The following PUS7 variants were observed in gnomAD, a reference collection of about 807,000 sequenced individuals.
PUS7 encodes the protein pseudouridylate synthase 7 homolog.
PUS7 carries 48 observed loss-of-function variants against 79.8 expected under a neutral mutation model. That is an observed-to-expected ratio of 0.60 (90% confidence interval 0.48 to 0.76). PUS7 has a LOEUF of 0.76. Among genes scored for constraint, PUS7 ranks in the 30% least tolerant of loss-of-function variants. The pLI is 0.00. For synonymous variants in PUS7, 286 were observed against 272.2 expected, an observed-to-expected ratio of 1.05 and a Z score of -0.50; for missense variants, 729 against 797.6, an observed-to-expected ratio of 0.91 and a Z score of 1.04.
Position 105,508,513 on chromosome 7 carries a change from C to G in PUS7, c.-1G>C. 1 of 1,607,164 alleles carries G rather than the reference C, an allele frequency of 6.2e-7. No homozygotes were observed. The highest frequency in any genetic ancestry group is 8.5e-7 in the Non-Finnish European group (1 of 1,176,814). ...CACCAGTCATTTCTGTCATCTCCAT[C>G]TTTAAGGCTCCAAGAAAACATTTAA... On this transcript the variant is annotated 5_prime_UTR_variant, in exon 2 of 16. Coordinates refer to ENST00000469408, the MANE Select transcript of PUS7 (RefSeq NM_019042.5).
In PUS7 at chr7:105,508,300, T is replaced by G. The variant is rs781605797; in HGVS notation, c.213A>C (p.Gly71=). 2.5e-6 allele frequency: 4 copies of G among 1,614,150 alleles called. No homozygotes were observed. The highest frequency in any genetic ancestry group is 2.5e-6 in the Non-Finnish European group (3 of 1,180,022). ...CTTCCAACTGAGCCTCAGAATTCTT[T>G]CCACCTTTCCCAGTACTGACAGTGT... ...PPDTVSTGKG[G]KNSEAQLEDE... is the part of the protein sequence containing the mutation. The change falls in exon 2 of 16, where the codon GGA becomes GGC. Residue 71 remains glycine (G), a synonymous_variant. Transcript: ENST00000469408.
chr7:105,470,494 T>C, intron 11 of PUS7, 194 bp downstream of exon 11: 1 of 463,768 alleles, frequency 2.2e-6, no homozygotes, highest in Non-Finnish European at 3.6e-6. Flanking sequence ...CCTCAATAAG[T>C]AATGCCCGCA....
intron 2 of PUS7, among the ~76,000 whole-genome samples, chr7:105,507,340 C>A (rs1430870628): frequency 6.6e-6 from 1 of 152,038 alleles, no homozygotes; most frequent in Non-Finnish European, 1.5e-5. Context: ...GCCACCGTGT[C>A]TGGCCTGATC....
At chr7:105,483,912 C>G (rs1258023882) in intron 7 of PUS7, among the ~76,000 whole-genome samples, 2 of 152,180 alleles carry the variant, frequency 1.3e-5, no homozygotes, top group African/African-American at 4.8e-5. Flanking sequence ...ATATCTGGCC[C>G]TTAGAAGAAT....
At position 105,491,782 on chromosome 7, in the gene PUS7, C is replaced by A. The variant is rs138121825; in HGVS notation, c.843-165G>T. On this transcript the variant is annotated intron_variant, in intron 6 of 15. Coordinates refer to ENST00000469408, the MANE Select transcript of PUS7 (RefSeq NM_019042.5). ...TTAACATGAATCCAGGGAGGCTGGG[C>A]GCAGTGGCTCATGGTCTGTAATCCC... 2.7e-4 allele frequency among the ~76,000 whole-genome samples: 41 copies of A among 152,216 alleles called. 1 individual carries two copies. Among genetic ancestry groups the A allele is most frequent in the African/African-American group, 9.4e-4 (39 of 41,530 alleles).
intron 1 of PUS7, among the ~76,000 whole-genome samples, chr7:105,509,175 A>T (rs1825602947): frequency 1.7e-5 from 2 of 117,764 alleles, no homozygotes; most frequent in African/African-American, 6.0e-5. Flanking sequence ...CCAGAGCAAG[A>T]CTCCATCTCA....
At chr7:105,502,293 A>G (rs1280285633) in intron 5 of PUS7, 127 bp downstream of exon 5, 3 of 1,185,540 alleles carry the variant, frequency 2.5e-6, no homozygotes, top group Non-Finnish European at 1.2e-6. Context: ...TGAAGGAGGG[A>G]CATGATCAAT....
At chr7:105,463,197 CT>C (rs1308625122) in intron 13 of PUS7, among the ~76,000 whole-genome samples, 7 of 152,168 alleles carry the variant, frequency 4.6e-5, no homozygotes, top group Non-Finnish European at 7.3e-5. Context: ...GATGTAGAGT[CT>C]TTTTTATAGC....
At chr7:105,515,495 T>A (rs140541427) in intron 1 of PUS7, among the ~76,000 whole-genome samples, 38 of 152,344 alleles carry the variant, frequency 2.5e-4, no homozygotes, top group Non-Finnish European at 4.4e-4. Context: ...AGTCTTTTTC[T>A]TGATATTTGT....
intron 15 of PUS7, 35 bp downstream of exon 15, chr7:105,459,133 A>C: frequency 7.5e-7 from 1 of 1,337,978 alleles, no homozygotes; most frequent in South Asian, 1.5e-5. Context: ...AAACATTTCA[A>C]AGTCAACACA....
At chr7:105,490,629 T>G (rs1158250785) in intron 7 of PUS7, among the ~76,000 whole-genome samples, 1 of 152,182 alleles carries the variant, frequency 6.6e-6, no homozygotes, top group Non-Finnish European at 1.5e-5. Context: ...ACATCCTGCC[T>G]AACTCCTAGA....
intron 1 of PUS7, among the ~76,000 whole-genome samples, chr7:105,514,865 C>G (rs2133286407): frequency 6.6e-6 from 1 of 151,454 alleles, no homozygotes; most frequent in South Asian, 2.1e-4. Context: ...AATCTCGGCT[C>G]ACTGCAAGCT....
intron 6 of PUS7, among the ~76,000 whole-genome samples, chr7:105,492,608 C>T (rs1449509645): frequency 1.3e-5 from 2 of 149,510 alleles, no homozygotes; most frequent in African/African-American, 4.9e-5. Context: ...CGGGTTCACG[C>T]CATTCTCCTG....
In PUS7 at chr7:105,462,690, T is replaced by C; in HGVS notation, c.1688A>G (p.His563Arg). The change falls in exon 14 of 16, where the codon CAC becomes CGC. Residue 563 changes from histidine to arginine, a missense_variant. Transcript: ENST00000469408. ...TGACAAGGAATAATCTCGAATTTTG[T>C]GTCTCATGTTGTCAATATCAAGATT... ...ADNLDIDNMRHKIRDYSLSGA... is the reference protein window; with the variant it reads ...ADNLDIDNMRRKIRDYSLSGA... The C allele has an allele frequency of 6.2e-7, 1 of 1,613,752 alleles. No homozygotes were observed. Among genetic ancestry groups the C allele is most frequent in the Non-Finnish European group, 8.5e-7 (1 of 1,179,812 alleles).
Position 105,457,902 on chromosome 7 carries a change from A to T in PUS7, c.1874T>A (p.Met625Lys), listed in dbSNP as rs774245917. ...ASEGKYRALK[M>K]DFSLPPSTYA... The stretch of plus-strand genomic sequence containing the variant: ...AGTAGAAGGGGGTAGAGAAAAATCC[A>T]TTTTCAGAGCCCTGTATTTGCCTTC... The change falls in exon 16 of 16, where the codon ATG becomes AAG. Residue 625 changes from methionine to lysine, a missense_variant. Physicochemically the swap from Met to Lys is moderately conservative, Grantham distance 95 (BLOSUM62 -1). Coordinates refer to ENST00000469408, the MANE Select transcript of PUS7 (RefSeq NM_019042.5). 6.2e-7 allele frequency: 1 copy of T among 1,613,968 alleles called. No individual in the cohort carries two copies. Among genetic ancestry groups the T allele is most frequent in the Non-Finnish European group, 8.5e-7 (1 of 1,179,900 alleles).
intron 7 of PUS7, among the ~76,000 whole-genome samples, chr7:105,483,447 G>A (rs1411227457): frequency 6.6e-6 from 1 of 151,814 alleles, no homozygotes; most frequent in Non-Finnish European, 1.5e-5. Flanking sequence ...TTACAGGTAT[G>A]AGCCACCGTG....
rs77952434 is a variant in PUS7, at chr7:105,505,000, A to G, written c.585+955T>C. ...AAATGTAGTACAAAATTAATTTAAC[A>G]TAATTTTTTTTTTTTTTTGATATGG... On this transcript the variant is annotated intron_variant, in intron 4 of 15. Transcript: ENST00000469408. Among the ~76,000 whole-genome samples the G allele has an allele frequency of 1.0e-3, 151 of 150,704 alleles. No individual in the cohort carries two copies. The East Asian group carries it at 0.012, about 12-fold the overall frequency.
intron 13 of PUS7, among the ~76,000 whole-genome samples, chr7:105,464,216 A>G (rs1823546716): frequency 1.4e-5 from 2 of 144,678 alleles, no homozygotes. Context: ...TTTCTTTCTT[A>G]TGATAGTTGA....
At chr7:105,459,081 G>T (rs951735441) in intron 15 of PUS7, 87 bp downstream of exon 15, 1 of 724,060 alleles carries the variant, frequency 1.4e-6, no homozygotes, top group Non-Finnish European at 2.3e-6. Context: ...GGTAGTGCTT[G>T]TAAGAGCAGT....
Sources: gnomAD v4.1 joint callset for allele counts (sites outside exome capture counted in the v4.1 genomes callset) on GRCh38, gnomAD v4.1.1 for gene constraint, MANE v1.5 for transcripts, NCBI Gene and HGNC (gene_info 2026-07-23, HGNC 2026-07-21) for gene names.